Variants in ERBB4 observed in about 807,000 individuals in gnomAD.
ERBB4 encodes the protein receptor tyrosine-protein kinase erbB-4.
Under a neutral mutation model 158.0 loss-of-function variants are expected in ERBB4, and 42 were observed. The observed-to-expected ratio is 0.27, with a 90% CI of 0.21 to 0.34. The LOEUF (loss-of-function observed/expected upper bound fraction) is 0.34, where lower values mean the gene tolerates loss of function less well. ERBB4 is among the 10% of genes least tolerant of loss of function. The pLI is 1.00. For missense variants in ERBB4, 1,333 were observed against 1,624.1 expected (o/e 0.82, Z 3.08); for synonymous variants, 583 against 558.7 (o/e 1.04, Z -0.61).
At chr2:212,084,311 T>C (rs2078537216) in intron 2 of ERBB4, among the ~76,000 whole-genome samples, 1 of 151,942 alleles carries the variant, frequency 6.6e-6, no homozygotes, top group Non-Finnish European at 1.5e-5. Context: ...GAGAATGAAT[T>C]AAATGAGCTA....
chr2:212,071,000 C>T (rs1194005631), intron 2 of ERBB4, among the ~76,000 whole-genome samples: 1 of 151,658 alleles, frequency 6.6e-6, no homozygotes, highest in Non-Finnish European at 1.5e-5. Context: ...AAATGATAGA[C>T]AAAGTAACAA....
At chr2:211,441,307 T>C (rs886625718) in intron 20 of ERBB4, among the ~76,000 whole-genome samples, 1 of 152,146 alleles carries the variant, frequency 6.6e-6, no homozygotes, top group Non-Finnish European at 1.5e-5. Flanking sequence ...ATCATCACAT[T>C]ACTTAAAATG....
intron 17 of ERBB4, 57 bp downstream of exon 17, chr2:211,630,405 C>A (rs2125872094): frequency 6.2e-7 from 1 of 1,600,286 alleles, no homozygotes; most frequent in Non-Finnish European, 8.6e-7. Flanking sequence ...ATCATCTAAA[C>A]CTTCTAAACC....
intron 2 of ERBB4, among the ~76,000 whole-genome samples, chr2:212,060,506 C>T (rs1436980148): frequency 6.6e-6 from 1 of 150,420 alleles, no homozygotes; most frequent in East Asian, 2.0e-4. Context: ...AAGACACATG[C>T]ACACGTATGT....
intron 1 of ERBB4, among the ~76,000 whole-genome samples, chr2:212,533,899 T>C (rs1376407858): frequency 6.6e-6 from 1 of 152,210 alleles, no homozygotes; most frequent in Non-Finnish European, 1.5e-5. Context: ...GTAGAACAGA[T>C]GTAGGCTTGA....
At chr2:211,951,238 T>A (rs768702953) in intron 2 of ERBB4, among the ~76,000 whole-genome samples, 1 of 152,154 alleles carries the variant, frequency 6.6e-6, no homozygotes, top group Non-Finnish European at 1.5e-5. Context: ...AACACATTTA[T>A]AATGTCAACA....
At chr2:211,425,097 G>A (rs1374992181) in intron 22 of ERBB4, among the ~76,000 whole-genome samples, 2 of 152,050 alleles carry the variant, frequency 1.3e-5, no homozygotes, top group Non-Finnish European at 2.9e-5. Context: ...TTTTTGTAAT[G>A]TAATGATTAT....
intron 25 of ERBB4, among the ~76,000 whole-genome samples, chr2:211,403,896 C>T (rs1207252265): frequency 6.6e-6 from 1 of 152,116 alleles, no homozygotes. Flanking sequence ...GCTTCTCAAC[C>T]TCTCTAAGTC....
intron 3 of ERBB4, among the ~76,000 whole-genome samples, chr2:211,830,956 C>T (rs2077205449): frequency 6.6e-6 from 1 of 151,558 alleles, no homozygotes; most frequent in Non-Finnish European, 1.5e-5. Context: ...TAAAACTTAA[C>T]ATATACCAGG....
chr2:212,344,253 G>C (rs1171914267), intron 1 of ERBB4, among the ~76,000 whole-genome samples: 1 of 152,094 alleles, frequency 6.6e-6, no homozygotes, highest in African/African-American at 2.4e-5. Context: ...ATAATTCTTT[G>C]TTGTGGGGAC....
intron 3 of ERBB4, among the ~76,000 whole-genome samples, chr2:211,896,476 A>C (rs2125019609): frequency 6.6e-6 from 1 of 152,286 alleles, no homozygotes; most frequent in South Asian, 2.1e-4. Context: ...TACTGCTGTC[A>C]TCCTGGTCCA....
intron 1 of ERBB4, among the ~76,000 whole-genome samples, chr2:212,404,008 A>C (rs1038754020): frequency 1.1e-4 from 16 of 152,012 alleles, no homozygotes; most frequent in Non-Finnish European, 2.4e-4. Flanking sequence ...TGTAGACTGA[A>C]CGTTTCAGAT....
At chr2:211,599,387 T>C (rs1447116583) in intron 19 of ERBB4, among the ~76,000 whole-genome samples, 1 of 152,212 alleles carries the variant, frequency 6.6e-6, no homozygotes, top group Non-Finnish European at 1.5e-5. Context: ...TGGGCTCTTT[T>C]TACTTCTGCC....
chr2:211,745,461 C>G (rs2074936484), intron 5 of ERBB4, among the ~76,000 whole-genome samples: 2 of 152,188 alleles, frequency 1.3e-5, no homozygotes, highest in South Asian at 2.1e-4. Flanking sequence ...CCTCCAACCC[C>G]ACTCCAGGGT....
intron 1 of ERBB4, among the ~76,000 whole-genome samples, chr2:212,353,027 T>C (rs929376523): frequency 6.6e-6 from 1 of 152,066 alleles, no homozygotes; most frequent in Admixed American, 6.6e-5. Flanking sequence ...AAAATCCTTT[T>C]ACTGTGGTGA....
chr2:211,901,341 C>A (rs780845272), intron 3 of ERBB4, among the ~76,000 whole-genome samples: 4 of 152,120 alleles, frequency 2.6e-5, no homozygotes, highest in Non-Finnish European at 5.9e-5. Flanking sequence ...ATTTAAAAAA[C>A]TGTCTGGTAA....
At chr2:212,226,134 G>C (rs1008487708) in intron 1 of ERBB4, among the ~76,000 whole-genome samples, 1 of 152,106 alleles carries the variant, frequency 6.6e-6, no homozygotes, top group Non-Finnish European at 1.5e-5. Context: ...AACTGTCTAC[G>C]GAGGAAGCTA....
chr2:211,655,234 A>G (rs1355274783), intron 16 of ERBB4, among the ~76,000 whole-genome samples: 2 of 152,096 alleles, frequency 1.3e-5, no homozygotes, highest in Non-Finnish European at 2.9e-5. Flanking sequence ...GGGGCCCATC[A>G]AAAGGGCTTT....
At chr2:211,404,781 CAG>C (rs1206097912) in intron 25 of ERBB4, among the ~76,000 whole-genome samples, 1 of 152,032 alleles carries the variant, frequency 6.6e-6, no homozygotes, top group Non-Finnish European at 1.5e-5. Context: ...CTGAAAAAGG[CAG>C]AGAGAGAAGA....
Sources: allele counts gnomAD v4.1 joint callset (sites outside exome capture counted in the v4.1 genomes callset), GRCh38; gene constraint gnomAD v4.1.1; transcripts MANE v1.5; gene names NCBI Gene and HGNC (gene_info 2026-07-23, HGNC 2026-07-21).